The following PHKA2 variants were observed in gnomAD, a reference collection of about 807,000 sequenced individuals.
The protein encoded by PHKA2 is phosphorylase kinase regulatory subunit alpha 2, also known as phosphorylase b kinase regulatory subunit alpha, liver isoform.
A neutral mutation model predicts 102.0 loss-of-function variants in PHKA2; 31 were observed. The observed-to-expected ratio is 0.30, with a 90% CI of 0.23 to 0.41. PHKA2 has a LOEUF of 0.41. Ranked by LOEUF, PHKA2 falls within the 10% of genes least tolerant of loss-of-function variation. The pLI is 1.00. For synonymous variants in PHKA2, 455 were observed against 416.2 expected (o/e 1.09, Z -1.13); for missense variants, 858 against 1,023.1 (o/e 0.84, Z 2.20).
At chrX:18,979,109 C>G (rs1206724953) in intron 1 of PHKA2, among the ~76,000 whole-genome samples, 1 of 111,828 alleles carries the variant, frequency 8.9e-6, no homozygotes, top group Non-Finnish European at 1.9e-5. Flanking sequence ...GCACTCCAAC[C>G]TGGGCAACAG....
At chrX:18,969,522 T>C (rs968898205) in intron 1 of PHKA2, among the ~76,000 whole-genome samples, 1 of 112,331 alleles carries the variant, frequency 8.9e-6, no homozygotes, top group African/African-American at 3.2e-5. Flanking sequence ...GCAATTGTTT[T>C]TTTTTTCCTT....
At chrX:18,911,545 G>C (rs1021774918) in intron 19 of PHKA2, among the ~76,000 whole-genome samples, 4 of 111,861 alleles carry the variant, frequency 3.6e-5, no homozygotes, top group Non-Finnish European at 7.5e-5. Context: ...CTGACCTCAG[G>C]TGATACAGCC....
chrX:18,942,370 C>T (rs975631154), intron 7 of PHKA2, among the ~76,000 whole-genome samples: 2 of 111,502 alleles, frequency 1.8e-5, no homozygotes, highest in African/African-American at 3.3e-5. Context: ...GGGGCTAGAC[C>T]CCTGCAAACA....
intron 10 of PHKA2, among the ~76,000 whole-genome samples, chrX:18,937,852 A>G (rs376195723): frequency 1.2e-4 from 13 of 112,271 alleles, no homozygotes; most frequent in African/African-American, 4.2e-4. Flanking sequence ...AAGAATGGAA[A>G]CAGCAGGGAA....
At chrX:18,897,652 C>G (rs1054921002) in intron 29 of PHKA2, 2 of 305,295 alleles carry the variant, frequency 6.6e-6, no homozygotes, top group African/African-American at 5.3e-5. Context: ...GAGTGCTAAT[C>G]CCCACTCAAT....
intron 27 of PHKA2, among the ~76,000 whole-genome samples, 200 bp downstream of exon 27, chrX:18,901,285 A>G (rs1414469308): frequency 1.8e-5 from 2 of 110,933 alleles, no homozygotes; most frequent in African/African-American, 6.6e-5. Flanking sequence ...AAGGTTAAGG[A>G]TGAGTGGGTA....
intron 19 of PHKA2, among the ~76,000 whole-genome samples, chrX:18,915,799 C>T (rs964776836): frequency 2.5e-4 from 28 of 110,990 alleles, no homozygotes; most frequent in African/African-American, 8.5e-4. Flanking sequence ...CAATGGCTTT[C>T]AGGACAAGAC....
At chrX:18,954,143 G>T (rs911847445) in intron 2 of PHKA2, 111 bp downstream of exon 2, 2 of 733,552 alleles carry the variant, frequency 2.7e-6, no homozygotes, top group African/African-American at 4.2e-5. Flanking sequence ...CAGAAATAGA[G>T]GAGAGGCCTA....
Position 18,920,196 on chromosome X carries a change from T to C in PHKA2, c.1799A>G (p.Lys600Arg). The change falls in exon 18 of 33, where the codon AAA becomes AGA. Residue 600 changes from lysine to arginine, a missense_variant. Transcript: ENST00000379942. ...EDGYFGGARVKLGNLSEFLTT... is the reference protein window; with the variant it reads ...EDGYFGGARVRLGNLSEFLTT... ...GAGAAATTCCGAAAGGTTCCCTAAT[T>C]TTACTCTGCCAAGAAGACACCGTGT... 1 of 985,956 alleles carries C rather than the reference T, an allele frequency of 1.0e-6. No homozygotes were observed. The highest frequency in any genetic ancestry group is 1.5e-6 in the Non-Finnish European group (1 of 689,566). The allele number at this position is 985,956 out of a possible 1,213,427, so 81.3% of individuals were successfully genotyped here. A position where few individuals can be genotyped will look rare whatever the true frequency, so the allele number is the denominator to read the frequency against.
chrX:18,894,716 T>C lies in PHKA2; in HGVS notation c.3337-312A>G, dbSNP rs987003825. 1.0e-5 allele frequency: 4 copies of C among 397,819 alleles called. No individual in the cohort carries two copies. In the African/African-American group the frequency reaches 1.1e-4, roughly 11 times the overall value. The allele number at this position is 397,819 out of a possible 1,213,427, so 32.8% of individuals were successfully genotyped here. A position where few individuals can be genotyped will look rare whatever the true frequency, so the allele number is the denominator to read the frequency against. Reference sequence around the variant, plus strand: ...TCATTATTCCTTCCAGCATGAAGCATGGTGCTTTGGGTGGGGTAAAACTAA... The same window carrying C: ...TCATTATTCCTTCCAGCATGAAGCACGGTGCTTTGGGTGGGGTAAAACTAA... On this transcript the variant is annotated intron_variant, in intron 31 of 32. Transcript: ENST00000379942.
At chrX:18,903,667 G>A (rs1336535565) in intron 26 of PHKA2, among the ~76,000 whole-genome samples, 1 of 112,195 alleles carries the variant, frequency 8.9e-6, no homozygotes, top group East Asian at 2.8e-4. Flanking sequence ...GCTGCCAGGG[G>A]CTGGAGGTGG....
At chrX:18,975,967 CTTTTTTTTTTT>C (rs200764030) in intron 1 of PHKA2, among the ~76,000 whole-genome samples, 1 of 63,021 alleles carries the variant, frequency 1.6e-5, no homozygotes, top group Non-Finnish European at 2.8e-5. Flanking sequence ...AAGTCAAATT[CTTTTTTTTTTT>C]TTTTTTTTTT....
chrX:18,907,725 C>T (rs2047847061), intron 22 of PHKA2, among the ~76,000 whole-genome samples, 175 bp downstream of exon 22: 1 of 112,036 alleles, frequency 8.9e-6, no homozygotes, highest in Non-Finnish European at 1.9e-5. Context: ...ATTTCCTTCC[C>T]TCTGCTCGCC....
rs1348635219 is a variant in PHKA2, at chrX:18,924,655, C to T, written c.1570-130G>A. 20 of 632,558 alleles carry T rather than the reference C, an allele frequency of 3.2e-5. 2 individuals carry two copies. The highest frequency in any genetic ancestry group is 6.4e-5 in the African/African-American group (3 of 46,686). 52.1% of individuals were successfully genotyped at this position (632,558 alleles called of 1,213,427 possible). A position where few individuals can be genotyped will look rare whatever the true frequency, so the allele number is the denominator to read the frequency against. On this transcript the variant is annotated intron_variant, in intron 15 of 32. Transcript: ENST00000379942. Reference sequence around the variant, plus strand: ...GAGGCTCAGTACTCGTTTCAATCCACCCAGTCATGGGGCTGCCCTGCTCAA... The same window carrying T: ...GAGGCTCAGTACTCGTTTCAATCCATCCAGTCATGGGGCTGCCCTGCTCAA...
chrX:18,951,245 T>C lies in PHKA2; in HGVS notation c.313A>G (p.Thr105Ala), dbSNP rs199595540. Reference protein sequence around the residue: ...QVAKVEKFKHTQSTKDSLHAK... With the variant: ...QVAKVEKFKHAQSTKDSLHAK... ...TGCAGGCTGTCCTTGGTGCTCTGAG[T>C]GTGTTTGAACTTCTCCACTTTGGCC... The change falls in exon 4 of 33, where the codon ACT becomes GCT. Residue 105 changes from threonine to alanine, a missense_variant. By Grantham distance (58) the Thr-to-Ala change is moderately conservative. Around this residue, in one of 2 missense-constraint regions of PHKA2, gnomAD observed 187 missense variants for 277.9 expected, o/e 0.67. Transcript: ENST00000379942. 4 of 1,211,424 alleles carry C rather than the reference T, an allele frequency of 3.3e-6. No individual in the cohort carries two copies. The highest frequency in any genetic ancestry group is 3.5e-5 in the South Asian group (2 of 56,970).
intron 28 of PHKA2, 106 bp from the exon 29 acceptor site, chrX:18,899,332 C>T: frequency 1.4e-6 from 1 of 691,004 alleles, no homozygotes. Context: ...AAAGCAGCAG[C>T]AGAGAATGCG....
At chrX:18,916,876 A>ATT (rs202152356) in intron 19 of PHKA2, among the ~76,000 whole-genome samples, 7 of 100,702 alleles carry the variant, frequency 7.0e-5, no homozygotes, top group African/African-American at 1.1e-4. Flanking sequence ...GGGCTAATAC[A>ATT]TTTTTTTTTT....
chrX:18,955,374 GTT>G lies in PHKA2; in HGVS notation c.79-964_79-963del, dbSNP rs35875518. Among the ~76,000 whole-genome samples, 359 of 90,256 alleles carry G rather than the reference GTT, an allele frequency of 4.0e-3. 2 individuals carry two copies. Among genetic ancestry groups the G allele is most frequent in the African/African-American group, 0.014 (331 of 24,441 alleles). The allele number at this position is 90,256 out of a possible 115,157, so 78.4% of individuals were successfully genotyped here. The stretch of plus-strand genomic sequence containing the variant: ...ATCTGGAAGTCAGTGGCTGCTAGTA[GTT>G]TTTTTTTTTTTTTTTTGGTGATGAA... On this transcript the variant is annotated intron_variant, in intron 1 of 32. Transcript: ENST00000379942.
intron 2 of PHKA2, among the ~76,000 whole-genome samples, chrX:18,953,113 G>A (rs1219193579): frequency 2.7e-5 from 3 of 112,291 alleles, no homozygotes. Flanking sequence ...TCCACTGACC[G>A]TGAGGCCATC....
Sources: gnomAD v4.1 joint callset for allele counts (sites outside exome capture counted in the v4.1 genomes callset) on GRCh38, gnomAD v4.1.1 for gene constraint, gnomAD v4.1.1 regional missense constraint, MANE v1.5 for transcripts, NCBI Gene and HGNC (gene_info 2026-07-23, HGNC 2026-07-21) for gene names.